RALGAPA2: variants seen among roughly 807,000 people sequenced by gnomAD.
RALGAPA2 encodes ral GTPase-activating protein subunit alpha-2.
RALGAPA2 carries 139 observed loss-of-function variants against 230.4 expected under a neutral mutation model. The observed-to-expected ratio is 0.60, with a 90% CI of 0.53 to 0.69. The LOEUF (loss-of-function observed/expected upper bound fraction) is 0.69. RALGAPA2 is among the 30% of genes least tolerant of loss of function. RALGAPA2 has a pLI of 0.00. For missense variants in RALGAPA2, 2,163 were observed against 2,276.0 expected (o/e 0.95, Z 1.01); for synonymous variants, 847 against 837.8 (o/e 1.01, Z -0.19).
rs1320850734 is a variant in RALGAPA2, at chr20:20,520,890, A to G, written c.4084+27T>C. The G allele has an allele frequency of 2.7e-6, 4 of 1,507,904 alleles. No individual in the cohort carries two copies. The Admixed American group carries it at 5.5e-5, about 21-fold the overall frequency. 93.4% of individuals were successfully genotyped at this position (1,507,904 alleles called of 1,614,324 possible). A position where few individuals can be genotyped will look rare whatever the true frequency, so the allele number is the denominator to read the frequency against. On this transcript the variant is annotated intron_variant, in intron 31 of 39. Coordinates refer to ENST00000202677, the MANE Select transcript of RALGAPA2 (RefSeq NM_020343.4). ...TAAATCCTTCCTTTTCCTTCCCACA[A>G]GATTTCATACCTGAAAGAATACTCA... is the stretch of plus-strand genomic sequence containing the variant.
chr20:20,676,637 G>A (rs1816473392), intron 2 of RALGAPA2, among the ~76,000 whole-genome samples: 1 of 152,106 alleles, frequency 6.6e-6, no homozygotes, highest in Admixed American at 6.5e-5. Context: ...TTTCTAAGTT[G>A]GTAATATAAA....
intron 35 of RALGAPA2, among the ~76,000 whole-genome samples, chr20:20,501,439 C>T (rs931904484): frequency 5.3e-5 from 8 of 152,330 alleles, no homozygotes; most frequent in Admixed American, 4.6e-4. Flanking sequence ...GAACCAACCT[C>T]GGCAAGCTTC....
chr20:20,700,686 C>T lies in RALGAPA2; in HGVS notation c.106+11689G>A, dbSNP rs6112978. 6.2e-3 allele frequency among the ~76,000 whole-genome samples: 948 copies of T among 152,272 alleles called. 6 individuals are homozygous for T. The highest frequency in any genetic ancestry group is 0.021 in the African/African-American group (876 of 41,550). ...TTCCCCCGAACCCCATCAAGGTTTA[C>T]GAACACCAATCTCTTCTCCCTTTGG... On this transcript the variant is annotated intron_variant, in intron 1 of 39. Coordinates refer to ENST00000202677, the MANE Select transcript of RALGAPA2 (RefSeq NM_020343.4).
intron 36 of RALGAPA2, among the ~76,000 whole-genome samples, chr20:20,475,140 T>TC (rs1240848978): frequency 6.6e-6 from 1 of 152,156 alleles, no homozygotes; most frequent in Non-Finnish European, 1.5e-5. Flanking sequence ...CCATCCTAGG[T>TC]CTTTAAACTT....
chr20:20,481,259 T>C (rs2061767506), intron 36 of RALGAPA2, among the ~76,000 whole-genome samples: 1 of 152,186 alleles, frequency 6.6e-6, no homozygotes, highest in African/African-American at 2.4e-5. Flanking sequence ...GAAAATGATC[T>C]GAAATACCCA....
chr20:20,441,372 C>G (rs1389547203), intron 37 of RALGAPA2, among the ~76,000 whole-genome samples: 1 of 152,148 alleles, frequency 6.6e-6, no homozygotes, highest in Non-Finnish European at 1.5e-5. Flanking sequence ...TGGAAGGTGA[C>G]CGGGATGAGG....
intron 37 of RALGAPA2, among the ~76,000 whole-genome samples, chr20:20,465,181 A>AC (rs2061391358): frequency 6.6e-6 from 1 of 150,436 alleles, no homozygotes; most frequent in African/African-American, 2.5e-5. Context: ...ACACACACAC[A>AC]CACACACACA....
At chr20:20,558,975 C>T (rs751729471) in intron 23 of RALGAPA2, among the ~76,000 whole-genome samples, 19 of 152,082 alleles carry the variant, frequency 1.2e-4, no homozygotes, top group Admixed American at 5.9e-4. Context: ...AGGATGTTTC[C>T]CAGCCTATGC....
intron 37 of RALGAPA2, among the ~76,000 whole-genome samples, chr20:20,458,745 T>G (rs1186533402): frequency 8.1e-5 from 10 of 123,634 alleles, no homozygotes; most frequent in African/African-American, 2.7e-4. Flanking sequence ...CCTATATATA[T>G]ATACATACAC....
At chr20:20,550,078 T>C (rs1043821278) in intron 23 of RALGAPA2, among the ~76,000 whole-genome samples, 8 of 152,172 alleles carry the variant, frequency 5.3e-5, no homozygotes, top group Non-Finnish European at 1.0e-4. Context: ...GAGATTTTGA[T>C]GCACCCATCA....
At chr20:20,504,127 TA>T (rs1432915085) in intron 34 of RALGAPA2, among the ~76,000 whole-genome samples, 1 of 152,184 alleles carries the variant, frequency 6.6e-6, no homozygotes, top group Non-Finnish European at 1.5e-5. Flanking sequence ...AAAAAAGAAA[TA>T]GAAGAATCTC....
chr20:20,441,643 G>A (rs2060743040), intron 37 of RALGAPA2, among the ~76,000 whole-genome samples: 1 of 152,210 alleles, frequency 6.6e-6, no homozygotes, highest in Admixed American at 6.5e-5. Flanking sequence ...TTGGAGCACT[G>A]GCCATCAGCC....
chr20:20,698,275 T>C (rs556936073), intron 1 of RALGAPA2, among the ~76,000 whole-genome samples: 2 of 127,840 alleles, frequency 1.6e-5, no homozygotes, highest in Non-Finnish European at 3.3e-5. Context: ...TTTAAATGAT[T>C]TTTTTTTTTT....
intron 37 of RALGAPA2, among the ~76,000 whole-genome samples, chr20:20,417,608 G>T (rs144577745): frequency 6.6e-6 from 1 of 152,100 alleles, no homozygotes; most frequent in African/African-American, 2.4e-5. Context: ...ACATTCACAG[G>T]TTCCAGGAAC....
At position 20,509,499 on chromosome 20, in the gene RALGAPA2, T is replaced by G. The variant is rs542320799; in HGVS notation, c.4928+1755A>C. 2.0e-5 allele frequency among the ~76,000 whole-genome samples: 3 copies of G among 152,310 alleles called. No homozygotes were observed. In the South Asian group the frequency reaches 6.2e-4, roughly 32 times the overall value. On this transcript the variant is annotated intron_variant, in intron 33 of 39. Transcript: ENST00000202677. ...TGATACTGAAATATTTATCACTCTT[T>G]AAGGCCACCTAGGAAAAAAGGCCCT...
At chr20:20,532,711 G>GCTGAT (rs1440994347) in intron 26 of RALGAPA2, among the ~76,000 whole-genome samples, 1 of 152,160 alleles carries the variant, frequency 6.6e-6, no homozygotes, top group Non-Finnish European at 1.5e-5. Context: ...GTATTTAAAG[G>GCTGAT]CTGATCAGAA....
intron 20 of RALGAPA2, 27 bp downstream of exon 20, chr20:20,583,023 G>C (rs377030803): frequency 1.2e-6 from 2 of 1,605,390 alleles, no homozygotes; most frequent in Non-Finnish European, 8.5e-7. Context: ...GTTTGCATTA[G>C]TGCCTCTTTT....
chr20:20,474,993 A>G (rs1447286634), intron 36 of RALGAPA2, among the ~76,000 whole-genome samples: 2 of 152,230 alleles, frequency 1.3e-5, no homozygotes, highest in Non-Finnish European at 2.9e-5. Context: ...ATTAGAAAAG[A>G]AAGAGTGGCT....
At chr20:20,483,454 G>A (rs889199480) in intron 36 of RALGAPA2, among the ~76,000 whole-genome samples, 37 of 152,210 alleles carry the variant, frequency 2.4e-4, no homozygotes, top group African/African-American at 8.7e-4. Context: ...TGCTTTCCAT[G>A]TAAGTGCCTG....
Sources: gnomAD v4.1 joint callset for allele counts (sites outside exome capture counted in the v4.1 genomes callset) on GRCh38, gnomAD v4.1.1 for gene constraint, MANE v1.5 for transcripts, NCBI Gene and HGNC (gene_info 2026-07-23, HGNC 2026-07-21) for gene names.